The following CNTN5 variants were observed in gnomAD, a reference collection of about 807,000 sequenced individuals.
The protein encoded by CNTN5 is contactin-5.
In CNTN5, 77 loss-of-function variants were observed where a neutral mutation model predicts 129.1. That is an observed-to-expected ratio of 0.60 (90% CI 0.50 to 0.72). CNTN5 has a LOEUF of 0.72. Ranked by LOEUF, CNTN5 falls within the 30% of genes least tolerant of loss-of-function variation. CNTN5 has a pLI of 0.00. For synonymous variants in CNTN5, 509 were observed against 465.6 expected, an observed-to-expected ratio of 1.09 and a Z score of -1.20; for missense variants, 1,478 against 1,328.8, an observed-to-expected ratio of 1.11 and a Z score of -1.75.
intron 2 of CNTN5, among the ~76,000 whole-genome samples, chr11:99,444,664 A>G (rs981986887): frequency 6.6e-6 from 1 of 152,178 alleles, no homozygotes; most frequent in African/African-American, 2.4e-5. Context: ...ATCTGAATAA[A>G]TACTTCAAAA....
In CNTN5 at chr11:99,344,123, G is replaced by A. The variant is rs939706077; in HGVS notation, c.-71+18639G>A. 3.9e-5 allele frequency among the ~76,000 whole-genome samples: 6 copies of A among 152,186 alleles called. No individual in the cohort carries two copies. In the South Asian group the frequency reaches 1.2e-3, roughly 32 times the overall value. On this transcript the variant is annotated intron_variant, in intron 2 of 24. Coordinates refer to ENST00000524871, the MANE Select transcript of CNTN5 (RefSeq NM_014361.4). ...ATCTCCTCAACTTCAAAGTGCGTAA[G>A]TTTTCGGTAGAAAGTCTATGGCACG...
chr11:100,286,377 C>G (rs1444250303), intron 18 of CNTN5, among the ~76,000 whole-genome samples: 1 of 151,586 alleles, frequency 6.6e-6, no homozygotes, highest in African/African-American at 2.4e-5. Flanking sequence ...TTGAAGAGAG[C>G]AGTGGTTCTC....
chr11:99,851,769 CTT>C (rs1466386570), intron 6 of CNTN5, among the ~76,000 whole-genome samples: 1 of 152,186 alleles, frequency 6.6e-6, no homozygotes, highest in African/African-American at 2.4e-5. Flanking sequence ...CTACTTAACT[CTT>C]TGAGAGATTA....
At chr11:99,975,501 G>C (rs1317551041) in intron 8 of CNTN5, among the ~76,000 whole-genome samples, 1 of 152,166 alleles carries the variant, frequency 6.6e-6, no homozygotes, top group African/African-American at 2.4e-5. Flanking sequence ...CTATAAAGAA[G>C]TACCTGAGAC....
At chr11:100,045,690 C>A (rs140471513) in intron 9 of CNTN5, among the ~76,000 whole-genome samples, 212 of 148,920 alleles carry the variant, frequency 1.4e-3, no homozygotes, top group Non-Finnish European at 2.7e-3. Flanking sequence ...ATACTGACTA[C>A]CTAAATTCTT....
intron 2 of CNTN5, among the ~76,000 whole-genome samples, chr11:99,475,620 T>C (rs1945340293): frequency 6.6e-6 from 1 of 152,162 alleles, no homozygotes; most frequent in Non-Finnish European, 1.5e-5. Context: ...TAATTTTGAT[T>C]ATGCCATAAA....
intron 7 of CNTN5, among the ~76,000 whole-genome samples, chr11:99,944,359 A>G (rs1950509792): frequency 6.6e-6 from 1 of 152,084 alleles, no homozygotes; most frequent in Non-Finnish European, 1.5e-5. Flanking sequence ...TTAAGAACGT[A>G]TCTCAAAATA....
At chr11:100,183,150 A>C (rs572167594) in intron 13 of CNTN5, among the ~76,000 whole-genome samples, 8 of 152,156 alleles carry the variant, frequency 5.3e-5, no homozygotes, top group Non-Finnish European at 1.0e-4. Flanking sequence ...TGCTGGTAGG[A>C]ATGTAAAGTG....
intron 1 of CNTN5, among the ~76,000 whole-genome samples, chr11:99,102,779 A>G (rs1467756939): frequency 2.6e-5 from 4 of 152,066 alleles, no homozygotes; most frequent in Admixed American, 2.6e-4. Flanking sequence ...TGTGCCCTCC[A>G]AACTGTTCCA....
chr11:99,787,767 A>G (rs1945588175), intron 3 of CNTN5, among the ~76,000 whole-genome samples: 1 of 152,050 alleles, frequency 6.6e-6, no homozygotes, highest in African/African-American at 2.4e-5. Context: ...GACATGTGCT[A>G]TACATATAAT....
At chr11:99,073,215 T>C (rs560141412) in intron 1 of CNTN5, among the ~76,000 whole-genome samples, 1 of 151,878 alleles carries the variant, frequency 6.6e-6, no homozygotes, top group East Asian at 1.9e-4. Flanking sequence ...ACTTAAGCAC[T>C]AATTTGGTGG....
intron 13 of CNTN5, among the ~76,000 whole-genome samples, chr11:100,160,581 A>C (rs1385181139): frequency 6.6e-6 from 1 of 151,906 alleles, no homozygotes; most frequent in African/African-American, 2.4e-5. Flanking sequence ...AAATTTAGGA[A>C]ATTCATTGAA....
intron 3 of CNTN5, among the ~76,000 whole-genome samples, chr11:99,774,482 T>G (rs911573645): frequency 7.3e-6 from 1 of 136,134 alleles, no homozygotes; most frequent in Non-Finnish European, 1.6e-5. Context: ...TTTAAGAAAT[T>G]CATAGGAGAA....
chr11:100,194,874 A>C (rs1591378890), intron 15 of CNTN5, among the ~76,000 whole-genome samples: 1 of 150,034 alleles, frequency 6.7e-6, no homozygotes, highest in Admixed American at 6.9e-5. Context: ...TTTCTTCAAA[A>C]CTATTCCTTT....
At position 100,109,341 on chromosome 11, in the gene CNTN5, G is replaced by T. The variant is rs1032599546; in HGVS notation, c.1580+35047G>T. Among the ~76,000 whole-genome samples the T allele has an allele frequency of 7.2e-5, 11 of 152,216 alleles. No individual in the cohort carries two copies. The East Asian group carries it at 1.9e-3, about 27-fold the overall frequency. On this transcript the variant is annotated intron_variant, in intron 13 of 24. Coordinates refer to ENST00000524871, the MANE Select transcript of CNTN5 (RefSeq NM_014361.4). ...CTCGGGAGGCTGAGGCAGGCGAATC[G>T]CTTGAACCCGGGAGGCGGAGGTTGC... is the stretch of plus-strand genomic sequence containing the variant.
At chr11:99,566,559 G>C (rs1272804855) in intron 3 of CNTN5, among the ~76,000 whole-genome samples, 1 of 151,968 alleles carries the variant, frequency 6.6e-6, no homozygotes, top group Non-Finnish European at 1.5e-5. Flanking sequence ...TGTGTGTTTA[G>C]TTAAACTAAA....
intron 2 of CNTN5, among the ~76,000 whole-genome samples, chr11:99,362,054 G>T (rs1835728791): frequency 6.6e-6 from 1 of 152,028 alleles, no homozygotes; most frequent in African/African-American, 2.4e-5. Flanking sequence ...GTTTCCCATA[G>T]TGGCTGTGCC....
intron 2 of CNTN5, among the ~76,000 whole-genome samples, chr11:99,332,970 C>T (rs1310959846): frequency 1.3e-5 from 2 of 152,022 alleles, no homozygotes. Context: ...TCCATACTTT[C>T]ATGCATCGTA....
At chr11:99,742,816 T>C (rs181320525) in intron 3 of CNTN5, among the ~76,000 whole-genome samples, 129 of 152,312 alleles carry the variant, frequency 8.5e-4, no homozygotes, top group African/African-American at 2.8e-3. Context: ...AATCTCTTCA[T>C]GTAGATCATT....
Sources: allele counts gnomAD v4.1 joint callset (sites outside exome capture counted in the v4.1 genomes callset), GRCh38; gene constraint gnomAD v4.1.1; transcripts MANE v1.5; gene names NCBI Gene and HGNC (gene_info 2026-07-23, HGNC 2026-07-21).